Variants in ISOC1 observed in about 807,000 individuals in gnomAD.
ISOC1 encodes isochorismatase domain-containing protein 1.
A neutral mutation model predicts 30.0 loss-of-function variants in ISOC1; 33 were observed. The observed-to-expected ratio is 1.10, with a 90% CI of 0.83 to 1.47. The LOEUF is 1.47. Among genes scored for constraint, ISOC1 ranks in the 40% most tolerant of loss-of-function variants. ISOC1 has a pLI of 0.00. For missense variants in ISOC1, 372 were observed against 388.0 expected (o/e 0.96, Z 0.35); for synonymous variants, 178 against 159.8 (o/e 1.11, Z -0.86).
At chr5:129,097,237 T>G (rs1401030469) in intron 1 of ISOC1, among the ~76,000 whole-genome samples, 1 of 152,192 alleles carries the variant, frequency 6.6e-6, no homozygotes, top group Non-Finnish European at 1.5e-5. Context: ...CTCATTTTAG[T>G]AGTTATACTT....
Position 129,104,943 on chromosome 5 carries a change from CT to C in ISOC1, c.310-7del, listed in dbSNP as rs776402746. 6.2e-7 allele frequency: 1 copy of C among 1,609,704 alleles called. No homozygotes were observed. Among genetic ancestry groups the C allele is most frequent in the Admixed American group, 1.7e-5 (1 of 59,436 alleles). ...CAACAAGTGCTAAATCATTCTTTTT[CT>C]TTTTTCCTCAGCTCACTACCCTGGG... On this transcript the variant is annotated splice_polypyrimidine_tract_variant and intron_variant, in intron 1 of 4. Transcript: ENST00000173527.
intron 1 of ISOC1, among the ~76,000 whole-genome samples, chr5:129,104,321 T>G (rs1387127305): frequency 1.3e-5 from 2 of 152,176 alleles, no homozygotes; most frequent in East Asian, 3.8e-4. Flanking sequence ...TGTTTTTAGT[T>G]TTTATGTTCC....
intron 1 of ISOC1, among the ~76,000 whole-genome samples, chr5:129,098,574 T>A (rs552585631): frequency 6.6e-6 from 1 of 152,226 alleles, no homozygotes; most frequent in East Asian, 1.9e-4. Context: ...CTACCACCAG[T>A]GCATTTTCCA....
chr5:129,097,188 ATTTTT>A (rs944071467), intron 1 of ISOC1, among the ~76,000 whole-genome samples: 30 of 152,248 alleles, frequency 2.0e-4, no homozygotes, highest in African/African-American at 7.0e-4. Flanking sequence ...ATAGCTTTAT[ATTTTT>A]AATTCTTTAA....
chr5:129,105,667 A>T (rs1753629290), intron 3 of ISOC1, among the ~76,000 whole-genome samples: 1 of 152,154 alleles, frequency 6.6e-6, no homozygotes, highest in African/African-American at 2.4e-5. Flanking sequence ...ACTTGAATGT[A>T]TGTAAGCTGA....
At chr5:129,099,325 C>G (rs980613534) in intron 1 of ISOC1, among the ~76,000 whole-genome samples, 5 of 152,130 alleles carry the variant, frequency 3.3e-5, no homozygotes, top group African/African-American at 1.2e-4. Context: ...CTTAAGAAAT[C>G]CTTCAGTCCT....
At chr5:129,095,138 C>T in intron 1 of ISOC1, 63 bp downstream of exon 1, 2 of 1,441,426 alleles carry the variant, frequency 1.4e-6, no homozygotes, top group Non-Finnish European at 1.8e-6. Context: ...CCGTCCCTGT[C>T]CCCGCCTTCG....
chr5:129,107,137 G>T, intron 4 of ISOC1, 75 bp downstream of exon 4: 2 of 1,196,168 alleles, frequency 1.7e-6, no homozygotes, highest in Non-Finnish European at 1.2e-6. Context: ...ATATTTAACA[G>T]TAATGAAAGG....
rs1753643044 is a variant in ISOC1 at position 129,106,821 on chromosome 5, T to G, written c.634-125T>G. The G allele has an allele frequency of 4.9e-6, 3 of 616,698 alleles. No individual in the cohort carries two copies. In the Admixed American group the frequency reaches 7.7e-5, roughly 16 times the overall value. 38.2% of individuals were successfully genotyped at this position (616,698 alleles called of 1,614,324 possible). On this transcript the variant is annotated intron_variant, in intron 3 of 4. Coordinates refer to ENST00000173527, the MANE Select transcript of ISOC1 (RefSeq NM_016048.2). The stretch of plus-strand genomic sequence containing the variant: ...TTATCTAGCTAATTAGAAGCAAAAC[T>G]AGATGTAGAACAAGGTCCTTAGATG...
chr5:129,104,739 G>A (rs1753614301), intron 1 of ISOC1, among the ~76,000 whole-genome samples: 2 of 151,246 alleles, frequency 1.3e-5, no homozygotes, highest in South Asian at 4.2e-4. Flanking sequence ...ATTGTTGGCT[G>A]GTTCATTTCT....
intron 1 of ISOC1, among the ~76,000 whole-genome samples, chr5:129,103,674 T>G (rs1753597739): frequency 6.6e-6 from 1 of 152,162 alleles, no homozygotes. Context: ...AGTAATTGTT[T>G]CCAGAGAGTC....
intron 1 of ISOC1, among the ~76,000 whole-genome samples, chr5:129,101,452 G>A (rs749866017): frequency 2.0e-5 from 3 of 151,878 alleles, no homozygotes; most frequent in Non-Finnish European, 2.9e-5. Flanking sequence ...TCGAGATCAC[G>A]CCACTGCACT....
chr5:129,101,083 T>C (rs1753564601), intron 1 of ISOC1, among the ~76,000 whole-genome samples: 1 of 136,934 alleles, frequency 7.3e-6, no homozygotes, highest in African/African-American at 2.8e-5. Context: ...CAGGCTGGAC[T>C]GTAGCCTCGA....
At chr5:129,109,585 C>T (rs2150172233) in intron 4 of ISOC1, among the ~76,000 whole-genome samples, 1 of 152,140 alleles carries the variant, frequency 6.6e-6, no homozygotes, top group Non-Finnish European at 1.5e-5. Context: ...TTGGAAGGGC[C>T]TGGAGCACCA....
At chr5:129,097,366 T>C (rs2150169790) in intron 1 of ISOC1, among the ~76,000 whole-genome samples, 1 of 152,210 alleles carries the variant, frequency 6.6e-6, no homozygotes, top group East Asian at 1.9e-4. Context: ...TATGTCTATA[T>C]GAGAAGAGAG....
Position 129,094,944 on chromosome 5 carries a change from G to T in ISOC1, c.178G>T (p.Asp60Tyr), listed in dbSNP as rs1248819585. 3.7e-6 allele frequency: 6 copies of T among 1,612,040 alleles called. No homozygotes were observed. The African/African-American group carries it at 6.7e-5, about 18-fold the overall frequency. Residue 60 changes from aspartate (D) to tyrosine (Y), a missense_variant, in exon 1 of 5, where the codon GAC becomes TAC. By Grantham distance (160) the Asp-to-Tyr change is radical. Coordinates refer to ENST00000173527, the MANE Select transcript of ISOC1 (RefSeq NM_016048.2). Reference protein sequence around the residue: ...LIQKFLSLYGDQIDMHRKFVV... With the variant: ...LIQKFLSLYGYQIDMHRKFVV... ...CCAGAAGTTCCTCAGCCTGTACGGC[G>T]ACCAGATCGACATGCACCGCAAATT...
At chr5:129,110,641 GC>G (rs3839337) in intron 4 of ISOC1, among the ~76,000 whole-genome samples, 4,829 of 152,198 alleles carry the variant, frequency 0.032, 129 homozygotes, top group African/African-American at 0.073. Flanking sequence ...TTCCCACTCT[GC>G]CCCTGCTATG....
intron 1 of ISOC1, among the ~76,000 whole-genome samples, chr5:129,096,785 A>G (rs1753507354): frequency 1.3e-5 from 2 of 152,146 alleles, no homozygotes; most frequent in Admixed American, 1.3e-4. Context: ...TTTATGAAGC[A>G]TTTCCTGTTA....
chr5:129,100,602 G>T (rs1205654109), intron 1 of ISOC1, among the ~76,000 whole-genome samples: 2 of 152,104 alleles, frequency 1.3e-5, no homozygotes, highest in African/African-American at 4.8e-5. Context: ...CTTTTAATTT[G>T]CTGAGGCAGG....
Sources: allele counts gnomAD v4.1 joint callset (sites outside exome capture counted in the v4.1 genomes callset), GRCh38; gene constraint gnomAD v4.1.1; transcripts MANE v1.5; gene names NCBI Gene and HGNC (gene_info 2026-07-23, HGNC 2026-07-21).